DAB1: variants seen among roughly 807,000 people sequenced by gnomAD.
DAB1 encodes the protein DAB adaptor protein 1.
Under a neutral mutation model 64.6 loss-of-function variants are expected in DAB1, and 15 were observed. The ratio of observed to expected loss-of-function variants is 0.23; its 90% confidence interval spans 0.16 to 0.36. DAB1 has a LOEUF of 0.36. Ranked by LOEUF, DAB1 falls within the 10% of genes least tolerant of loss-of-function variation. DAB1 has a pLI of 1.00. For missense variants in DAB1, 596 were observed against 706.7 expected (o/e 0.84, Z 1.78); for synonymous variants, 235 against 251.9 (o/e 0.93, Z 0.64).
chr1:58,210,170 G>C (rs951066084), intron 4 of DAB1, among the ~76,000 whole-genome samples: 1 of 152,118 alleles, frequency 6.6e-6, no homozygotes, highest in Non-Finnish European at 1.5e-5. Flanking sequence ...CAAGACGTCC[G>C]AGATTTAAGC....
intron 6 of DAB1, among the ~76,000 whole-genome samples, chr1:57,801,010 C>G (rs1319788945): frequency 1.3e-5 from 2 of 152,152 alleles, no homozygotes; most frequent in African/African-American, 4.8e-5. Context: ...CATATCCCTA[C>G]CGATAAAGTG....
At chr1:57,109,285 G>T (rs1339075595) in intron 4 of DAB1, among the ~76,000 whole-genome samples, 2 of 152,174 alleles carry the variant, frequency 1.3e-5, no homozygotes, top group African/African-American at 4.8e-5. Context: ...TCATGTTGGG[G>T]TTCTAGCATG....
At chr1:57,531,946 G>A (rs1319122573) in intron 7 of DAB1, among the ~76,000 whole-genome samples, 1 of 152,174 alleles carries the variant, frequency 6.6e-6, no homozygotes, top group Non-Finnish European at 1.5e-5. Flanking sequence ...ATAACTTCAA[G>A]TGCATAGGTA....
At chr1:58,468,854 G>C (rs1328626865) in intron 3 of DAB1, 1 of 191,244 alleles carries the variant, frequency 5.2e-6, no homozygotes, top group East Asian at 1.8e-4. Context: ...AGGTGTGACA[G>C]CTGGAGCATT....
At chr1:58,356,401 A>G (rs527856762) in intron 3 of DAB1, among the ~76,000 whole-genome samples, 2 of 152,354 alleles carry the variant, frequency 1.3e-5, no homozygotes, top group East Asian at 3.9e-4. Context: ...ATATACATGC[A>G]TACATAATAA....
intron 4 of DAB1, among the ~76,000 whole-genome samples, chr1:58,230,775 A>G (rs1282329542): frequency 6.6e-6 from 1 of 152,254 alleles, no homozygotes; most frequent in East Asian, 1.9e-4. Context: ...TAAGCTTAAT[A>G]AAGGTGTAAC....
intron 6 of DAB1, among the ~76,000 whole-genome samples, chr1:57,749,526 T>A (rs1427987832): frequency 1.3e-5 from 2 of 152,164 alleles, no homozygotes; most frequent in Admixed American, 1.3e-4. Flanking sequence ...ATGGTGACAA[T>A]GAGGTGGAAC....
intron 6 of DAB1, among the ~76,000 whole-genome samples, chr1:57,812,654 G>GT (rs1463657753): frequency 6.6e-6 from 1 of 152,214 alleles, no homozygotes; most frequent in African/African-American, 2.4e-5. Context: ...CTGAAAGTGT[G>GT]TTTTTTCTCA....
At chr1:57,533,298 C>T (rs12048952) in intron 7 of DAB1, among the ~76,000 whole-genome samples, 16 of 151,838 alleles carry the variant, frequency 1.1e-4, no homozygotes, top group African/African-American at 3.4e-4. Flanking sequence ...TTTCACTATG[C>T]TTCTCACCGA....
chr1:57,442,914 G>T (rs1435156683), intron 7 of DAB1, among the ~76,000 whole-genome samples: 1 of 152,200 alleles, frequency 6.6e-6, no homozygotes, highest in East Asian at 1.9e-4. Flanking sequence ...GCAGAAGGAA[G>T]GTTGGATAAT....
intron 1 of DAB1, among the ~76,000 whole-genome samples, chr1:57,845,080 G>T (rs1225305695): frequency 6.6e-6 from 1 of 152,166 alleles, no homozygotes. Flanking sequence ...TCTTCCCATA[G>T]ATAGCATCAG....
At chr1:57,060,311 C>T (rs1329766984) in intron 9 of DAB1, among the ~76,000 whole-genome samples, 2 of 151,800 alleles carry the variant, frequency 1.3e-5, no homozygotes, top group East Asian at 1.9e-4. Flanking sequence ...TCACCATGCC[C>T]GGCTAATGTT....
Position 58,217,304 on chromosome 1 carries a change from A to G in DAB1, n.310-66716T>C, listed in dbSNP as rs556351056. 4.6e-5 allele frequency among the ~76,000 whole-genome samples: 7 copies of G among 152,328 alleles called. No individual in the cohort carries two copies. The South Asian group carries it at 1.0e-3, about 23-fold the overall frequency. On this transcript the variant is annotated intron_variant and non_coding_transcript_variant, in intron 4 of 20. Coordinates refer to the DAB1 transcript ENST00000485760. ...CTACAGGTGAGTACGCAAGGGCCCA[A>G]GCAGGACCTGGAGCCTGGAGGCAGA...
chr1:57,592,963 T>C (rs1645462791), intron 7 of DAB1, among the ~76,000 whole-genome samples: 1 of 152,126 alleles, frequency 6.6e-6, no homozygotes, highest in African/African-American at 2.4e-5. Context: ...ACACTGAGGG[T>C]TGGGGCTTCA....
chr1:58,223,772 C>T (rs1659310307), intron 4 of DAB1, among the ~76,000 whole-genome samples: 2 of 152,140 alleles, frequency 1.3e-5, no homozygotes, highest in Admixed American at 6.5e-5. Flanking sequence ...CCTGCTGGTG[C>T]TAATAAAGTG....
At chr1:57,219,264 AACACAC>A (rs60049165) in intron 2 of DAB1, among the ~76,000 whole-genome samples, 54,892 of 149,538 alleles carry the variant, frequency 0.37, 10,155 homozygotes, top group Middle Eastern at 0.45. Flanking sequence ...GAGGCATTTC[AACACAC>A]ACACACACAC....
intron 4 of DAB1, among the ~76,000 whole-genome samples, chr1:58,334,955 A>G (rs550139120): frequency 2.6e-5 from 4 of 152,186 alleles, no homozygotes; most frequent in Non-Finnish European, 5.9e-5. Flanking sequence ...AAGAAAATGG[A>G]CAAAATTTTT....
chr1:58,371,204 G>A (rs1007759010), intron 3 of DAB1, among the ~76,000 whole-genome samples: 2 of 152,208 alleles, frequency 1.3e-5, no homozygotes, highest in Non-Finnish European at 2.9e-5. Context: ...CTCAGATGGA[G>A]ATGAGGAACT....
chr1:57,337,633 G>A (rs551088036), intron 1 of DAB1, among the ~76,000 whole-genome samples: 4 of 152,318 alleles, frequency 2.6e-5, no homozygotes, highest in African/African-American at 7.2e-5. Context: ...CATGATGGCA[G>A]AATCTGGTTG....
Sources: gnomAD v4.1 joint callset for allele counts (sites outside exome capture counted in the v4.1 genomes callset) on GRCh38, gnomAD v4.1.1 for gene constraint, MANE v1.5 for transcripts, NCBI Gene and HGNC (gene_info 2026-07-23, HGNC 2026-07-21) for gene names.